Variants in RALGAPA1 observed in about 807,000 individuals in gnomAD.
RALGAPA1 encodes the protein ral GTPase-activating protein subunit alpha-1.
RALGAPA1 carries 52 observed loss-of-function variants against 269.6 expected under a neutral mutation model. That is an observed-to-expected ratio of 0.19 (90% CI 0.15 to 0.24). The LOEUF (loss-of-function observed/expected upper bound fraction) is 0.24. Ranked by LOEUF, RALGAPA1 falls within the 10% of genes least tolerant of loss-of-function variation. RALGAPA1 has a pLI of 1.00. For missense variants in RALGAPA1, 1,917 were observed against 3,013.9 expected, an observed-to-expected ratio of 0.64 and a Z score of 8.52; for synonymous variants, 817 against 1,008.3, an observed-to-expected ratio of 0.81 and a Z score of 3.60.
chr14:35,719,876 G>A (rs942125259), intron 16 of RALGAPA1, among the ~76,000 whole-genome samples: 3 of 151,764 alleles, frequency 2.0e-5, no homozygotes, highest in African/African-American at 4.8e-5. Context: ...TCAGCCTCCC[G>A]AGCAGCTGGG....
chr14:35,554,857 A>G (rs1278526116), intron 39 of RALGAPA1, among the ~76,000 whole-genome samples: 1 of 152,186 alleles, frequency 6.6e-6, no homozygotes, highest in Non-Finnish European at 1.5e-5. Context: ...TATGTCTTCA[A>G]CACCCAACAC....
At chr14:35,707,390 C>T (rs564918180) in intron 16 of RALGAPA1, 2 of 152,204 alleles carry the variant, frequency 1.3e-5, no homozygotes, top group African/African-American at 4.8e-5. Context: ...CAGAAAAAAA[C>T]CTAGTTTCTC....
At chr14:35,712,240 CAAA>C (rs58184723) in intron 16 of RALGAPA1, among the ~76,000 whole-genome samples, 7 of 57,356 alleles carry the variant, frequency 1.2e-4, no homozygotes, top group Admixed American at 2.0e-4. Context: ...GAGCATGTCT[CAAA>C]AAAAAAAAAA....
At chr14:35,579,275 T>C (rs984554926) in intron 37 of RALGAPA1, among the ~76,000 whole-genome samples, 3 of 151,992 alleles carry the variant, frequency 2.0e-5, no homozygotes, top group African/African-American at 7.3e-5. Context: ...AGACAGGAGA[T>C]GAGATCTAGA....
chr14:35,711,503 G>A (rs550165236), intron 16 of RALGAPA1, among the ~76,000 whole-genome samples: 15 of 152,050 alleles, frequency 9.9e-5, no homozygotes, highest in Admixed American at 3.3e-4. Context: ...GTGGGAGTGC[G>A]GTGGCATAAT....
chr14:35,773,992 T>C (rs1279013022), intron 3 of RALGAPA1, among the ~76,000 whole-genome samples: 1 of 152,108 alleles, frequency 6.6e-6, no homozygotes, highest in African/African-American at 2.4e-5. Context: ...CGGCTCACTA[T>C]AGTTTCGACC....
chr14:35,579,873 C>T (rs1182214789), intron 37 of RALGAPA1, among the ~76,000 whole-genome samples: 3 of 151,776 alleles, frequency 2.0e-5, no homozygotes, highest in Non-Finnish European at 4.4e-5. Flanking sequence ...TTCACTTTTA[C>T]TAAAATAATG....
chr14:35,627,112 C>T lies in RALGAPA1; in HGVS notation c.6835G>A (p.Gly2279Arg), dbSNP rs1198190432. 6.5e-6 allele frequency: 10 copies of T among 1,547,016 alleles called. No homozygotes were observed. Among genetic ancestry groups the T allele is most frequent in the South Asian group, 3.9e-5 (3 of 77,898 alleles). Residue 2279 changes from glycine (G) to arginine (R), a missense_variant, in exon 34 of 42, where the codon GGA becomes AGA. Coordinates refer to ENST00000680220, the MANE Select transcript of RALGAPA1 (RefSeq NM_001346249.2). The part of the protein sequence containing the change: ...YYCRLLLSIL[G>R]MNSWDKRRSF... ...TACCGTTTGTCCCAGGAATTCATTC[C>T]CAATATACTAAGAAGCAATCTGCAA...
intron 33 of RALGAPA1, among the ~76,000 whole-genome samples, chr14:35,630,009 G>A (rs1429996510): frequency 6.6e-6 from 1 of 152,044 alleles, no homozygotes; most frequent in Non-Finnish European, 1.5e-5. Context: ...GTGCACTGAT[G>A]GTATAATCAC....
chr14:35,767,905 G>T (rs950559218), intron 4 of RALGAPA1, among the ~76,000 whole-genome samples: 1 of 152,054 alleles, frequency 6.6e-6, no homozygotes, highest in Admixed American at 6.6e-5. Context: ...CTCCCAAGGA[G>T]CTGGGACGAC....
rs531453896 is a variant in RALGAPA1, at chr14:35,681,216, C to T, written c.4471+2593G>A. ...AAAATACTGTACTGAATCATTTATA[C>T]ATTGTGTATATGGAGTTTTATCTTT... On this transcript the variant is annotated intron_variant, in intron 21 of 41. Transcript: ENST00000680220. Among the ~76,000 whole-genome samples, 11 of 152,288 alleles carry T rather than the reference C, an allele frequency of 7.2e-5. No individual in the cohort carries two copies. The South Asian group carries it at 2.3e-3, about 32-fold the overall frequency.
At chr14:35,708,731 A>G (rs1335150205) in intron 16 of RALGAPA1, among the ~76,000 whole-genome samples, 1 of 152,192 alleles carries the variant, frequency 6.6e-6, no homozygotes, top group African/African-American at 2.4e-5. Flanking sequence ...CAATCCAGCA[A>G]TCCCACTCCT....
chr14:35,680,127 TGAAA>T, intron 21 of RALGAPA1, among the ~76,000 whole-genome samples: 1 of 152,240 alleles, frequency 6.6e-6, no homozygotes, highest in African/African-American at 2.4e-5. Context: ...TCAAATGCTT[TGAAA>T]TATAAACCTT....
At chr14:35,664,617 TA>T in intron 27 of RALGAPA1, 24 bp downstream of exon 27, 1 of 1,566,896 alleles carries the variant, frequency 6.4e-7, no homozygotes, top group Non-Finnish European at 8.7e-7. Flanking sequence ...ATTTAAGTGC[TA>T]AAAATTAGCA....
At chr14:35,700,677 G>C (rs191928219) in intron 16 of RALGAPA1, among the ~76,000 whole-genome samples, 2 of 152,234 alleles carry the variant, frequency 1.3e-5, no homozygotes, top group Admixed American at 6.5e-5. Flanking sequence ...AGTAACTTTT[G>C]GAACAATATT....
At chr14:35,752,699 C>G (rs1389227795) in intron 7 of RALGAPA1, among the ~76,000 whole-genome samples, 1 of 151,966 alleles carries the variant, frequency 6.6e-6, no homozygotes, top group Non-Finnish European at 1.5e-5. Context: ...GGTATGAGAA[C>G]TCTAAGAAGG....
At chr14:35,800,277 A>G (rs775264633) in intron 1 of RALGAPA1, among the ~76,000 whole-genome samples, 1 of 152,238 alleles carries the variant, frequency 6.6e-6, no homozygotes, top group Non-Finnish European at 1.5e-5. Context: ...ACCTACCAAG[A>G]GCAGAATATA....
chr14:35,771,600 C>T (rs1247207659), intron 3 of RALGAPA1, among the ~76,000 whole-genome samples: 1 of 152,086 alleles, frequency 6.6e-6, no homozygotes, highest in Non-Finnish European at 1.5e-5. Flanking sequence ...TATATGTTTT[C>T]CTAATGATTA....
intron 35 of RALGAPA1, among the ~76,000 whole-genome samples, chr14:35,618,046 G>C (rs964385617): frequency 6.6e-6 from 1 of 152,000 alleles, no homozygotes; most frequent in African/African-American, 2.4e-5. Flanking sequence ...CTAAAACCTG[G>C]AAAGAGTAAT....
Sources: allele counts gnomAD v4.1 joint callset (sites outside exome capture counted in the v4.1 genomes callset), GRCh38; gene constraint gnomAD v4.1.1; transcripts MANE v1.5; gene names NCBI Gene and HGNC (gene_info 2026-07-23, HGNC 2026-07-21).